FSIP1: variants seen among roughly 807,000 people sequenced by gnomAD.
FSIP1 encodes the protein fibrous sheath-interacting protein 1.
A neutral mutation model predicts 60.9 loss-of-function variants in FSIP1; 65 were observed. That is an observed-to-expected ratio of 1.07 (90% CI 0.87 to 1.31). The LOEUF is 1.31. Among genes scored for constraint, FSIP1 ranks in the 40% most tolerant of loss-of-function variants. The pLI, the probability that FSIP1 is intolerant of heterozygous loss-of-function variation, is 0.00. For missense variants in FSIP1, 675 were observed against 665.5 expected (o/e 1.01, Z -0.16); for synonymous variants, 209 against 221.2 (o/e 0.94, Z 0.49).
At chr15:39,625,201 C>T (rs79213093) in intron 10 of FSIP1, among the ~76,000 whole-genome samples, 2,028 of 152,248 alleles carry the variant, frequency 0.013, 44 homozygotes, top group African/African-American at 0.042. Flanking sequence ...TGTGATGGCT[C>T]GTCTCCCGTG....
At position 39,776,531 on chromosome 15, in the gene FSIP1, C is replaced by T. The variant is rs1366756397; in HGVS notation, c.-7G>A. 4 of 1,597,372 alleles carry T rather than the reference C, an allele frequency of 2.5e-6. No homozygotes were observed. The Admixed American group carries it at 5.2e-5, about 21-fold the overall frequency. On this transcript the variant is annotated splice_region_variant and 5_prime_UTR_variant, in exon 2 of 12. Coordinates refer to ENST00000350221, the MANE Select transcript of FSIP1 (RefSeq NM_152597.5). ...TTCCCTTTATAATATCCATTGAAAT[C>T]CTGAAACAACAAATAAAATATTTAA...
intron 9 of FSIP1, among the ~76,000 whole-genome samples, chr15:39,718,279 C>T (rs1050362117): frequency 6.6e-6 from 1 of 151,550 alleles, no homozygotes; most frequent in African/African-American, 2.4e-5. Flanking sequence ...TATACACACA[C>T]ACAAATATAA....
intron 10 of FSIP1, among the ~76,000 whole-genome samples, chr15:39,628,887 C>T (rs1454371412): frequency 2.0e-5 from 3 of 152,210 alleles, no homozygotes; most frequent in Non-Finnish European, 4.4e-5. Context: ...GGAATACTAA[C>T]AAGCAACAAT....
intron 10 of FSIP1, among the ~76,000 whole-genome samples, chr15:39,669,857 A>G (rs905736778): frequency 1.3e-5 from 2 of 152,242 alleles, no homozygotes; most frequent in Non-Finnish European, 2.9e-5. Context: ...AGCCAGCAGC[A>G]TGCATATAAA....
chr15:39,776,589 T>TAA, intron 1 of FSIP1, 58 bp from the exon 2 acceptor site: 1 of 1,413,802 alleles, frequency 7.1e-7, no homozygotes, highest in Non-Finnish European at 9.8e-7. Flanking sequence ...AATCTTTCAT[T>TAA]AGTTAGTATT....
chr15:39,752,956 A>T (rs1163732636), intron 5 of FSIP1, among the ~76,000 whole-genome samples: 1 of 152,130 alleles, frequency 6.6e-6, no homozygotes, highest in Non-Finnish European at 1.5e-5. Flanking sequence ...TCCAGGTTAA[A>T]AAGATTGAGA....
chr15:39,702,883 C>A (rs1448392722), intron 10 of FSIP1, among the ~76,000 whole-genome samples: 1 of 151,780 alleles, frequency 6.6e-6, no homozygotes, highest in African/African-American at 2.4e-5. Context: ...ATGTTAAAAC[C>A]TAACTAGTCG....
intron 5 of FSIP1, among the ~76,000 whole-genome samples, chr15:39,757,708 CA>C (rs935506257): frequency 3.3e-5 from 5 of 151,960 alleles, no homozygotes; most frequent in African/African-American, 1.2e-4. Context: ...GAACAATCAT[CA>C]AAAAAAGATT....
At chr15:39,704,029 T>C (rs1051869744) in intron 10 of FSIP1, among the ~76,000 whole-genome samples, 1 of 152,268 alleles carries the variant, frequency 6.6e-6, no homozygotes, top group Non-Finnish European at 1.5e-5. Context: ...TTTTATGTTC[T>C]ACTTGCTTGT....
At chr15:39,782,405 A>T (rs536294539) in intron 1 of FSIP1, among the ~76,000 whole-genome samples, 7 of 152,310 alleles carry the variant, frequency 4.6e-5, no homozygotes, top group African/African-American at 1.7e-4. Flanking sequence ...AGCCTTGGTT[A>T]CAGGTCCTAA....
intron 10 of FSIP1, among the ~76,000 whole-genome samples, chr15:39,631,356 T>G (rs1209426940): frequency 1.3e-5 from 2 of 152,228 alleles, no homozygotes; most frequent in African/African-American, 4.8e-5. Flanking sequence ...AAGCAATTAA[T>G]GAACCTTTGT....
chr15:39,770,637 G>A (rs7179838), intron 2 of FSIP1, 27 bp from the exon 3 acceptor site: 629,070 of 1,378,270 alleles, frequency 0.46, 147,459 homozygotes, highest in Admixed American at 0.53. Flanking sequence ...AAAAAAAACA[G>A]TTTCCGAAAA....
At chr15:39,650,285 T>C (rs911335057) in intron 10 of FSIP1, among the ~76,000 whole-genome samples, 15 of 152,250 alleles carry the variant, frequency 9.9e-5, no homozygotes, top group Admixed American at 2.0e-4. Flanking sequence ...GTATAATTGC[T>C]GAAATCCCAG....
chr15:39,624,303 C>G (rs1891552776), intron 10 of FSIP1, among the ~76,000 whole-genome samples: 1 of 152,204 alleles, frequency 6.6e-6, no homozygotes, highest in Admixed American at 6.5e-5. Context: ...TAGTCAACTA[C>G]AAGATTAATG....
intron 9 of FSIP1, among the ~76,000 whole-genome samples, chr15:39,726,137 A>G (rs1896185893): frequency 6.6e-6 from 1 of 152,210 alleles, no homozygotes; most frequent in Non-Finnish European, 1.5e-5. Context: ...AAACACATTC[A>G]TTTCAAAACT....
rs147366428 is a variant in FSIP1 at position 39,644,573 on chromosome 15, C to T, written c.1189-26328G>A. On this transcript the variant is annotated intron_variant, in intron 10 of 11. Coordinates refer to ENST00000350221, the MANE Select transcript of FSIP1 (RefSeq NM_152597.5). The stretch of plus-strand genomic sequence containing the variant: ...TGCCCATGATTTGCTTTATGGTCTC[C>T]AAGAACTCATGAGAACTTCTGCCAA... Among the ~76,000 whole-genome samples, 52 of 152,228 alleles carry T rather than the reference C, an allele frequency of 3.4e-4. No homozygotes were observed. In the East Asian group the frequency reaches 8.3e-3, roughly 24 times the overall value.
chr15:39,659,990 T>C (rs1893233605), intron 10 of FSIP1, among the ~76,000 whole-genome samples: 1 of 152,220 alleles, frequency 6.6e-6, no homozygotes, highest in Non-Finnish European at 1.5e-5. Flanking sequence ...TTTTTACTTC[T>C]ATCCCTTCTC....
chr15:39,699,496 T>C (rs932341476), intron 10 of FSIP1, among the ~76,000 whole-genome samples: 3 of 152,238 alleles, frequency 2.0e-5, no homozygotes, highest in Non-Finnish European at 4.4e-5. Context: ...TTTCAGCATG[T>C]ATCTTTGTTG....
chr15:39,757,307 T>C (rs1897329849), intron 5 of FSIP1, among the ~76,000 whole-genome samples: 1 of 152,140 alleles, frequency 6.6e-6, no homozygotes, highest in African/African-American at 2.4e-5. Context: ...CAGATGAAAG[T>C]AGCTTCGTAC....
Sources: allele counts gnomAD v4.1 joint callset (sites outside exome capture counted in the v4.1 genomes callset), GRCh38; gene constraint gnomAD v4.1.1; transcripts MANE v1.5; gene names NCBI Gene and HGNC (gene_info 2026-07-23, HGNC 2026-07-21).